The following KIF7 variants were observed in gnomAD, a reference collection of about 807,000 sequenced individuals.
The protein encoded by KIF7 is kinesin family member 7.
KIF7 carries 104 observed loss-of-function variants against 135.7 expected under a neutral mutation model. The ratio of observed to expected loss-of-function variants is 0.77; its 90% CI spans 0.65 to 0.90. KIF7 has a LOEUF of 0.90. KIF7 is among the 40% of genes least tolerant of loss of function. The probability of loss-of-function intolerance (pLI) is 0.00; values close to 1 mark genes in which losing one functional copy is unlikely to be tolerated. For missense variants in KIF7, 2,005 were observed against 1,839.1 expected, an observed-to-expected ratio of 1.09 and a Z score of -1.65; for synonymous variants, 883 against 809.4, an observed-to-expected ratio of 1.09 and a Z score of -1.54.
chr15:89,631,172 G>A (rs1963666177), intron 15 of KIF7: 2 of 366,360 alleles, frequency 5.5e-6, no homozygotes, highest in Non-Finnish European at 1.0e-5. Context: ...GGTGCACTGA[G>A]TATGCGCCTG....
rs1318418910 is a variant in KIF7, at chr15:89,652,712, G to A, written c.219C>T (p.Ala73=). The part of the protein sequence containing the change: ...EDAGQEAVYQ[A]CVQPLLEAFF... Reference sequence around the variant, plus strand: ...AGGCCTCAAGGAGGGGCTGAACGCAGGCCTGGTACACGGCCTCCTGCCCCG... The same window carrying A: ...AGGCCTCAAGGAGGGGCTGAACGCAAGCCTGGTACACGGCCTCCTGCCCCG... Residue 73 remains alanine (A), a synonymous_variant, in exon 2 of 19, where the codon GCC becomes GCT. Transcript: ENST00000394412. The A allele has an allele frequency of 1.9e-6, 3 of 1,551,708 alleles. No homozygotes were observed. The African/African-American group carries it at 4.1e-5, about 21-fold the overall frequency.
At chr15:89,647,169 G>C in intron 6 of KIF7, 112 bp from the exon 7 acceptor site, 1 of 944,090 alleles carries the variant, frequency 1.1e-6, no homozygotes, top group South Asian at 1.4e-5. Context: ...CTGAAAATGA[G>C]GAGTGTCAAA....
downstream of KIF7, chr15:89,624,159 A>C: frequency 6.2e-7 from 1 of 1,614,082 alleles, no homozygotes; most frequent in Non-Finnish European, 8.5e-7. Flanking sequence ...CAGCCCAGAA[A>C]CTAAAGGATA....
At chr15:89,639,127 T>C (rs1963868947) in intron 11 of KIF7, among the ~76,000 whole-genome samples, 1 of 151,984 alleles carries the variant, frequency 6.6e-6, no homozygotes, top group African/African-American at 2.4e-5. Context: ...TTACACCTTA[T>C]ACAAAAATCA....
At chr15:89,624,908 A>G, downstream of KIF7, 2 of 1,614,148 alleles carry the variant, frequency 1.2e-6, no homozygotes, top group Admixed American at 1.7e-5. Flanking sequence ...GATGGGAGAC[A>G]GTGCCAGGCT....
Position 89,648,453 on chromosome 15 carries a change from G to A in KIF7, c.1245C>T (p.Cys415=). ...LGAECARYRA[C]TDAAYSLLRE... The stretch of plus-strand genomic sequence containing the variant: ...GCAAGAGGCTGTAGGCGGCGTCGGT[G>A]CAGGCCCGGTAGCGCGCGCACTCGG... The change falls in exon 5 of 19, where the codon TGC becomes TGT. Residue 415 remains cysteine, a synonymous_variant. Transcript: ENST00000394412. The A allele has an allele frequency of 9.2e-7, 1 of 1,086,122 alleles. No individual in the cohort carries two copies. The highest frequency in any genetic ancestry group is 1.1e-6 in the Non-Finnish European group (1 of 894,444). The allele number at this position is 1,086,122 out of a possible 1,614,324, so 67.3% of individuals were successfully genotyped here.
chr15:89,629,758 C>T, intron 16 of KIF7, 185 bp from the exon 17 acceptor site: 1 of 717,512 alleles, frequency 1.4e-6, no homozygotes, highest in South Asian at 1.8e-5. Context: ...TTCCAACGAT[C>T]AGAGCTGGCT....
chr15:89,619,583 T>TTA, intron 1 of KIF7: 1 of 998,632 alleles, frequency 1.0e-6, no homozygotes, highest in Admixed American at 2.5e-5. Flanking sequence ...CTCTTAAAGC[T>TTA]AATAGCTTGC....
chr15:89,629,652 T>G, intron 16 of KIF7, 79 bp from the exon 17 acceptor site: 3 of 1,573,398 alleles, frequency 1.9e-6, no homozygotes, highest in Non-Finnish European at 2.6e-6. Flanking sequence ...AGACACAGTA[T>G]TGGCACACTT....
At chr15:89,646,140 G>T (rs1964009337) in intron 7 of KIF7, 114 bp from the exon 8 acceptor site, 1 of 1,343,524 alleles carries the variant, frequency 7.4e-7, no homozygotes, top group Non-Finnish European at 1.1e-6. Flanking sequence ...TCGTGATCCA[G>T]CTCAAATGAC....
intron 1 of KIF7, among the ~76,000 whole-genome samples, chr15:89,619,340 C>T (rs1461227068): frequency 2.0e-5 from 3 of 151,696 alleles, no homozygotes; most frequent in African/African-American, 7.3e-5. Flanking sequence ...ATTCTCCTGC[C>T]ACAGCCTCCC....
Position 89,648,581 on chromosome 15 carries a change from G to A in KIF7, c.1117C>T (p.Arg373Trp). Reference protein sequence around the residue: ...RPPEETASGARGPPRHRSETR... With the variant: ...RPPEETASGAWGPPRHRSETR... The stretch of plus-strand genomic sequence containing the variant: ...TCGGAGCGGTGCCGTGGCGGACCCC[G>A]CGCGCCGCTCGCCGTCTCTTCGGGT... The change falls in exon 5 of 19, where the codon CGG (arginine) becomes TGG (tryptophan). Residue 373 changes from arginine (R) to tryptophan (W), a missense_variant. Arg to Trp is a moderately radical substitution (Grantham distance 101). Coordinates refer to ENST00000394412, the MANE Select transcript of KIF7 (RefSeq NM_198525.3). 6.6e-7 allele frequency: 1 copy of A among 1,512,572 alleles called. No homozygotes were observed. The highest frequency in any genetic ancestry group is 8.8e-7 in the Non-Finnish European group (1 of 1,132,780). The allele number at this position is 1,512,572 out of a possible 1,614,324, so 93.7% of individuals were successfully genotyped here. A position where few individuals can be genotyped will look rare whatever the true frequency, so the allele number is the denominator to read the frequency against.
intron 15 of KIF7, chr15:89,630,936 A>G (rs1015661049): frequency 6.5e-6 from 2 of 309,682 alleles, no homozygotes; most frequent in Non-Finnish European, 6.3e-6. Flanking sequence ...CACCTAGGCT[A>G]CAAGCCTGGA....
intron 15 of KIF7, chr15:89,631,044 T>G: frequency 4.4e-6 from 1 of 228,816 alleles, no homozygotes; most frequent in Admixed American, 5.1e-5. Context: ...TGCGGTGTTA[T>G]AATTTTCTGG....
At chr15:89,658,146 A>G (rs1391105499), upstream of KIF7, among the ~76,000 whole-genome samples, 2 of 152,194 alleles carry the variant, frequency 1.3e-5, no homozygotes, top group Admixed American at 6.5e-5. Context: ...TGCAGTATAC[A>G]GTTTATTTCG....
At position 89,648,306 on chromosome 15, in the gene KIF7, G is replaced by A; in HGVS notation, c.1392C>T (p.Ile464=). 6.6e-7 allele frequency: 1 copy of A among 1,517,338 alleles called. No homozygotes were observed. The highest frequency in any genetic ancestry group is 1.2e-5 in the South Asian group (1 of 83,260). 94.0% of individuals were successfully genotyped at this position (1,517,338 alleles called of 1,614,324 possible). A position where few individuals can be genotyped will look rare whatever the true frequency, so the allele number is the denominator to read the frequency against. The change falls in exon 5 of 19, where the codon ATC becomes ATT. Residue 464 remains isoleucine (I), a synonymous_variant. Coordinates refer to ENST00000394412, the MANE Select transcript of KIF7 (RefSeq NM_198525.3). ...CCTGGTCCTCGACGGAGGCGCTCTCGATGCCGCTATCGGGCCCGGAGGCGG... is the reference window on the plus strand; with the variant it reads ...CCTGGTCCTCGACGGAGGCGCTCTCAATGCCGCTATCGGGCCCGGAGGCGG... The part of the protein sequence containing the change: ...LSSASGPDSG[I]ESASVEDQAA...
At position 89,645,030 on chromosome 15, in the gene KIF7, C is replaced by T. The variant is rs1963986036; in HGVS notation, c.2174G>A (p.Gly725Asp). ...CGCCTCACCTGTGCGGACCAGCTCGCCAATAAGCTCCTCCTTCATGCGGAT... is the reference window on the plus strand; with the variant it reads ...CGCCTCACCTGTGCGGACCAGCTCGTCAATAAGCTCCTCCTTCATGCGGAT... Reference protein sequence around the residue: ...INIRMKEELIGELVRTGKAAQ... With the variant: ...INIRMKEELIDELVRTGKAAQ... Residue 725 changes from glycine (G) to aspartate (D), a missense_variant, in exon 10 of 19, where the codon GGC becomes GAC. Transcript: ENST00000394412. The T allele has an allele frequency of 6.2e-7, 1 of 1,607,998 alleles. No homozygotes were observed. The highest frequency in any genetic ancestry group is 8.5e-7 in the Non-Finnish European group (1 of 1,180,000).
Position 89,628,712 on chromosome 15 carries a change from CG to C in KIF7, c.3738del (p.Glu1247SerfsTer29). 1 of 1,612,988 alleles carries C rather than the reference CG, an allele frequency of 6.2e-7. No homozygotes were observed. Among genetic ancestry groups the C allele is most frequent in the Non-Finnish European group, 8.5e-7 (1 of 1,179,922 alleles). ...PGNEDELHLA[P>X]ELLWLSPLTE... The stretch of plus-strand genomic sequence containing the variant: ...GTGAGGGGGGACAGCCAGAGAAGCT[CG>C]GGTGCCAGGTGGAGCTCATCTTCAT... On this transcript the variant is annotated frameshift_variant, in exon 19 of 19. Transcript: ENST00000394412. LOFTEE classifies it low-confidence loss of function (END_TRUNC).
At chr15:89,640,815 G>A (rs1472637207) in intron 11 of KIF7, among the ~76,000 whole-genome samples, 3 of 137,644 alleles carry the variant, frequency 2.2e-5, no homozygotes, top group Non-Finnish European at 4.7e-5. Flanking sequence ...GTGAAACACT[G>A]TCTCTACTTA....
Sources: gnomAD v4.1 joint callset for allele counts (sites outside exome capture counted in the v4.1 genomes callset) on GRCh38, gnomAD v4.1.1 for gene constraint, MANE v1.5 for transcripts, NCBI Gene and HGNC (gene_info 2026-07-23, HGNC 2026-07-21) for gene names.